CEP135: variants seen among roughly 807,000 people sequenced by gnomAD.
CEP135 encodes the protein centrosomal protein of 135 kDa.
Under a neutral mutation model 157.3 loss-of-function variants are expected in CEP135, and 142 were observed. The ratio of observed to expected loss-of-function variants is 0.90; its 90% CI spans 0.79 to 1.04. The LOEUF (loss-of-function observed/expected upper bound fraction) is 1.04. CEP135 is among the 50% of genes least tolerant of loss of function. The pLI, the probability that CEP135 is intolerant of heterozygous loss-of-function variation, is 0.00. For synonymous variants in CEP135, 396 were observed against 439.8 expected (o/e 0.90, Z 1.25); for missense variants, 1,317 against 1,309.2 (o/e 1.01, Z -0.09).
chr4:55,995,008 T>C (rs771368692), intron 15 of CEP135, among the ~76,000 whole-genome samples: 11 of 152,188 alleles, frequency 7.2e-5, no homozygotes, highest in Non-Finnish European at 1.5e-4. Flanking sequence ...ATTGTCCAAA[T>C]AGAGAATCTT....
chr4:55,978,128 G>A (rs927433475), intron 11 of CEP135, among the ~76,000 whole-genome samples: 1 of 152,166 alleles, frequency 6.6e-6, no homozygotes, highest in Non-Finnish European at 1.5e-5. Flanking sequence ...TTAAAGAAGA[G>A]TAGAGTTTCT....
At chr4:56,026,825 G>T (rs1293098781) in intron 25 of CEP135, among the ~76,000 whole-genome samples, 2 of 152,198 alleles carry the variant, frequency 1.3e-5, no homozygotes. Context: ...GTCAGACCCA[G>T]GCTTTGACAG....
Position 56,012,113 on chromosome 4 carries a change from A to C in CEP135, c.2802+128A>C, listed in dbSNP as rs1730609157. 14 of 567,894 alleles carry C rather than the reference A, an allele frequency of 2.5e-5. No individual in the cohort carries two copies. In the South Asian group the frequency reaches 6.6e-4, roughly 27 times the overall value. The allele number at this position is 567,894 out of a possible 1,614,324, so 35.2% of individuals were successfully genotyped here. ...GACTCTGTTGCCCAGGCTGGAGTGC[A>C]ATGGCACGATCTTTGCTTACTGCAC... On this transcript the variant is annotated intron_variant, in intron 21 of 25. Coordinates refer to ENST00000257287, the MANE Select transcript of CEP135 (RefSeq NM_025009.5).
chr4:55,949,332 G>T lies in CEP135; in HGVS notation c.-46+273G>T, dbSNP rs577113938. On this transcript the variant is annotated intron_variant, in intron 1 of 25. Transcript: ENST00000257287. ...AGCTTGGGCCGACTCGTCAAGGAGC[G>T]TCTGTGTGGGCCGTGCAGACAGGCT... Among the ~76,000 whole-genome samples the T allele has an allele frequency of 5.6e-3, 849 of 152,272 alleles. 2 individuals carry two copies. The highest frequency in any genetic ancestry group is 0.011 in the South Asian group (55 of 4,826).
intron 12 of CEP135, 111 bp from the exon 13 acceptor site, chr4:55,981,116 C>A: frequency 1.1e-6 from 1 of 907,236 alleles, no homozygotes; most frequent in African/African-American, 1.8e-5. Flanking sequence ...AAGAGAGTGA[C>A]GGTAGCATGT....
At chr4:55,977,744 A>T (rs182080257) in intron 11 of CEP135, among the ~76,000 whole-genome samples, 1 of 152,230 alleles carries the variant, frequency 6.6e-6, no homozygotes, top group Non-Finnish European at 1.5e-5. Flanking sequence ...ATTAACTGGT[A>T]ACCATGCAAC....
Position 56,011,559 on chromosome 4 carries a change from GT to G in CEP135, c.2616+51del, listed in dbSNP as rs371011577. The stretch of plus-strand genomic sequence containing the variant: ...TATTTAGGTTGGATTTAAGACTGAG[GT>G]TTTTTTTTTTTTTAACTTTTTCATG... On this transcript the variant is annotated intron_variant, in intron 20 of 25. Coordinates refer to ENST00000257287, the MANE Select transcript of CEP135 (RefSeq NM_025009.5). The G allele has an allele frequency of 0.092, 100,854 of 1,100,558 alleles. 448 individuals are homozygous for G. The highest frequency in any genetic ancestry group is 0.12 in the East Asian group (4,191 of 34,430). The allele number at this position is 1,100,558 out of a possible 1,614,324, so 68.2% of individuals were successfully genotyped here.
chr4:55,999,236 C>A, intron 15 of CEP135, 66 bp from the exon 16 acceptor site: 1 of 1,249,750 alleles, frequency 8.0e-7, no homozygotes, highest in Non-Finnish European at 1.1e-6. Context: ...TAAGAAATCT[C>A]ATTTTTTAAA....
chr4:56,012,349 C>T (rs915858722), intron 21 of CEP135, among the ~76,000 whole-genome samples: 6 of 152,340 alleles, frequency 3.9e-5, no homozygotes, highest in African/African-American at 1.2e-4. Flanking sequence ...AGCCACCGCA[C>T]CCGGCCTCAA....
At chr4:56,024,868 G>A (rs1367601354) in intron 25 of CEP135, among the ~76,000 whole-genome samples, 1 of 151,192 alleles carries the variant, frequency 6.6e-6, no homozygotes, top group Non-Finnish European at 1.5e-5. Flanking sequence ...CAGACACAGT[G>A]GCCCACACCT....
intron 4 of CEP135, among the ~76,000 whole-genome samples, chr4:55,956,109 A>G (rs1728494797): frequency 1.3e-5 from 2 of 152,112 alleles, no homozygotes; most frequent in African/African-American, 4.8e-5. Flanking sequence ...AGAAAGAAGG[A>G]ATGGTTAGCT....
intron 13 of CEP135, among the ~76,000 whole-genome samples, chr4:55,984,180 A>G (rs1410193237): frequency 6.6e-6 from 1 of 152,196 alleles, no homozygotes; most frequent in Non-Finnish European, 1.5e-5. Flanking sequence ...GCCTTTGCCT[A>G]CCTGAAGGTC....
chr4:56,013,608 A>ACTGTCTTT (rs1730668008), intron 21 of CEP135, among the ~76,000 whole-genome samples: 1 of 152,192 alleles, frequency 6.6e-6, no homozygotes, highest in Non-Finnish European at 1.5e-5. Context: ...TTTTGTCATA[A>ACTGTCTTT]AGACAGTCTG....
chr4:55,998,079 ACTT>A (rs1730037353), intron 15 of CEP135, among the ~76,000 whole-genome samples: 1 of 152,246 alleles, frequency 6.6e-6, no homozygotes, highest in South Asian at 2.1e-4. Context: ...TGCCAGTAAA[ACTT>A]CTTCATTCCT....
intron 13 of CEP135, among the ~76,000 whole-genome samples, chr4:55,983,100 T>C (rs1319099398): frequency 6.6e-6 from 1 of 152,216 alleles, no homozygotes; most frequent in Non-Finnish European, 1.5e-5. Flanking sequence ...ATACTTTTAA[T>C]TGGAATCTTT....
Position 55,965,699 on chromosome 4 carries a change from T to C in CEP135, c.884T>C (p.Met295Thr), listed in dbSNP as rs200316290. 12 of 1,613,860 alleles carry C rather than the reference T, an allele frequency of 7.4e-6. No individual in the cohort carries two copies. Among genetic ancestry groups the C allele is most frequent in the Non-Finnish European group, 5.1e-6 (6 of 1,179,898 alleles). The change falls in exon 8 of 26, where the codon ATG (methionine) becomes ACG (threonine). Residue 295 changes from methionine to threonine, a missense_variant. Coordinates refer to ENST00000257287, the MANE Select transcript of CEP135 (RefSeq NM_025009.5). ...CTGGAGAAGCGTATACGAGAGCTTA[T>C]GGAAACCAAGGAAACAGTGACATCT... ...KDLEKRIREL[M>T]ETKETVTSEV... is the part of the protein sequence containing the mutation.
intron 15 of CEP135, among the ~76,000 whole-genome samples, chr4:55,998,267 C>T (rs981702563): frequency 3.9e-5 from 6 of 152,204 alleles, no homozygotes; most frequent in Non-Finnish European, 4.4e-5. Context: ...CATGTCTTTT[C>T]AGCAAGGCAG....
chr4:55,962,647 G>A (rs1049389935), intron 6 of CEP135, among the ~76,000 whole-genome samples: 3 of 150,768 alleles, frequency 2.0e-5, no homozygotes, highest in Non-Finnish European at 4.4e-5. Flanking sequence ...GACCTACTCT[G>A]TGGTATTTGA....
chr4:55,978,701 C>T (rs1412370738), intron 11 of CEP135, among the ~76,000 whole-genome samples: 1 of 152,158 alleles, frequency 6.6e-6, no homozygotes, highest in Non-Finnish European at 1.5e-5. Flanking sequence ...CAAGTGTGCA[C>T]CACTATGCCT....
Sources: allele counts gnomAD v4.1 joint callset (sites outside exome capture counted in the v4.1 genomes callset), GRCh38; gene constraint gnomAD v4.1.1; transcripts MANE v1.5; gene names NCBI Gene and HGNC (gene_info 2026-07-23, HGNC 2026-07-21).